Variants in ATG4A observed in about 807,000 individuals in gnomAD.
The protein encoded by ATG4A is autophagy related 4A cysteine peptidase.
ATG4A carries 22 observed loss-of-function variants against 38.4 expected under a neutral mutation model. The ratio of observed to expected loss-of-function variants is 0.57; its 90% CI spans 0.41 to 0.82. ATG4A has a LOEUF of 0.82. Among genes scored for constraint, ATG4A ranks in the 40% least tolerant of loss-of-function variants. The pLI, the probability that ATG4A is intolerant of heterozygous loss-of-function variation, is 0.00. For missense variants in ATG4A, 220 were observed against 290.0 expected, an observed-to-expected ratio of 0.76 and a Z score of 1.75; for synonymous variants, 86 against 100.7, an observed-to-expected ratio of 0.85 and a Z score of 0.88.
chrX:108,138,662 T>C (rs1184670227), intron 9 of ATG4A, among the ~76,000 whole-genome samples: 1 of 111,766 alleles, frequency 8.9e-6, no homozygotes, highest in Non-Finnish European at 1.9e-5. Flanking sequence ...CACTAACCTC[T>C]TAATGTGGAC....
At chrX:108,126,932 G>A (rs1387523879) in intron 2 of ATG4A, 3 of 335,481 alleles carry the variant, frequency 8.9e-6, no homozygotes, top group Non-Finnish European at 1.6e-5. Flanking sequence ...TTAGCGTGGA[G>A]GAAGGAACAG....
intron 9 of ATG4A, among the ~76,000 whole-genome samples, chrX:108,143,523 A>G (rs188899015): frequency 4.5e-5 from 5 of 111,827 alleles, no homozygotes; most frequent in African/African-American, 1.6e-4. Context: ...ATTGTGGGGT[A>G]GTAGACTGAT....
At chrX:108,139,943 A>C (rs28407955) in intron 9 of ATG4A, among the ~76,000 whole-genome samples, 53,727 of 109,547 alleles carry the variant, frequency 0.49, 10,344 homozygotes, top group African/African-American at 0.66. Flanking sequence ...GGGCACTAAT[A>C]CATTCATAGG....
chrX:108,140,154 C>T (rs1325522097), intron 9 of ATG4A, among the ~76,000 whole-genome samples: 1 of 111,388 alleles, frequency 9.0e-6, no homozygotes, highest in African/African-American at 3.3e-5. Context: ...CCTGGGTGCC[C>T]TGGCCTCCCT....
intron 1 of ATG4A, among the ~76,000 whole-genome samples, chrX:108,101,863 A>T (rs2032024994): frequency 9.1e-6 from 1 of 109,860 alleles, no homozygotes; most frequent in Non-Finnish European, 1.9e-5. Flanking sequence ...ATTTCATTTA[A>T]CATAATGTCT....
intron 1 of ATG4A, among the ~76,000 whole-genome samples, chrX:108,104,414 G>A (rs1490698498): frequency 1.8e-5 from 2 of 109,692 alleles, no homozygotes; most frequent in South Asian, 3.9e-4. Context: ...TTTGCTAGAT[G>A]TAATATTCCT....
Position 108,134,064 on chromosome X carries a change from C to CA in ATG4A, c.300_301insA (p.Trp101MetfsTer21). 8.4e-7 allele frequency: 1 copy of CA among 1,197,342 alleles called. No individual in the cohort carries two copies. The highest frequency in any genetic ancestry group is 1.1e-6 in the Non-Finnish European group (1 of 890,035). On this transcript the variant is annotated frameshift_variant, in exon 5 of 13. Coordinates refer to ENST00000372232, the MANE Select transcript of ATG4A (RefSeq NM_052936.5). LOFTEE classifies it high-confidence loss of function. ...TTTTTTTTTCTTAAAAAGACTGGAG[C>CA]TGGGAGAAACAAAAAGAACAACCCA...
chrX:108,151,832 G>T lies in ATG4A; in HGVS notation c.991G>T (p.Asp331Tyr). ...TTTCTGCAAAGAAGAAAAAGACTTT[G>T]ATAACTGGTGTAGCCTTGTTCAGAA... Reference protein sequence around the residue: ...GFFCKEEKDFDNWCSLVQKEI... With the variant: ...GFFCKEEKDFYNWCSLVQKEI... Residue 331 changes from aspartate (D) to tyrosine (Y), a missense_variant, in exon 11 of 13, where the codon GAT becomes TAT. This residue lies in a region of ATG4A where 159 missense variants were observed against 188.9 expected (regional missense o/e 0.84). Coordinates refer to ENST00000372232, the MANE Select transcript of ATG4A (RefSeq NM_052936.5). 8.3e-7 allele frequency: 1 copy of T among 1,208,800 alleles called. No homozygotes were observed. Among genetic ancestry groups the T allele is most frequent in the Non-Finnish European group, 1.1e-6 (1 of 893,339 alleles).
At chrX:108,095,210 A>G (rs2031769237) in intron 1 of ATG4A, among the ~76,000 whole-genome samples, 1 of 111,161 alleles carries the variant, frequency 9.0e-6, no homozygotes, top group African/African-American at 3.3e-5. Flanking sequence ...TACAGGCATG[A>G]GCCACTGTGC....
intron 9 of ATG4A, among the ~76,000 whole-genome samples, chrX:108,145,458 T>G (rs2148024490): frequency 8.9e-6 from 1 of 112,663 alleles, no homozygotes. Context: ...GGAGATGTGT[T>G]AATTTGCTCG....
chrX:108,092,233 C>T (rs981142366), intron 1 of ATG4A, among the ~76,000 whole-genome samples: 2 of 111,627 alleles, frequency 1.8e-5, no homozygotes, highest in Non-Finnish European at 1.9e-5. Context: ...GCCGTGGGAG[C>T]CACCTGATAT....
intron 1 of ATG4A, among the ~76,000 whole-genome samples, chrX:108,103,260 A>G (rs1015629929): frequency 3.6e-5 from 4 of 111,420 alleles, no homozygotes; most frequent in Admixed American, 9.5e-5. Context: ...GGTTGATTCC[A>G]TGTCTTTGCT....
At chrX:108,099,025 G>GA (rs1427274333) in intron 1 of ATG4A, among the ~76,000 whole-genome samples, 1 of 111,591 alleles carries the variant, frequency 9.0e-6, no homozygotes, top group Non-Finnish European at 1.9e-5. Flanking sequence ...TACAAGGTGG[G>GA]ACGGTAAATA....
chrX:108,092,011 G>T (rs1404520383), intron 1 of ATG4A, 175 bp downstream of exon 1: 4 of 827,055 alleles, frequency 4.8e-6, no homozygotes, highest in Non-Finnish European at 5.1e-6. Context: ...AGGGACAAGG[G>T]TTGGAGCTGA....
chrX:108,100,423 G>A (rs2031970825), intron 1 of ATG4A, among the ~76,000 whole-genome samples: 1 of 110,705 alleles, frequency 9.0e-6, no homozygotes, highest in African/African-American at 3.3e-5. Context: ...CTTGTCATCT[G>A]CAGAGAGGGA....
intron 10 of ATG4A, among the ~76,000 whole-genome samples, chrX:108,151,171 G>A (rs1282745464): frequency 8.9e-6 from 1 of 111,764 alleles, no homozygotes; most frequent in Non-Finnish European, 1.9e-5. Context: ...CAGAAGTATG[G>A]CTGGTGTCTA....
intron 1 of ATG4A, among the ~76,000 whole-genome samples, chrX:108,124,695 T>C (rs2032753324): frequency 8.9e-6 from 1 of 111,851 alleles, no homozygotes; most frequent in Non-Finnish European, 1.9e-5. Flanking sequence ...TTTCTAAAAG[T>C]ACTTGTACAA....
chrX:108,152,734 A>G (rs1021145604), intron 11 of ATG4A, among the ~76,000 whole-genome samples: 1 of 111,694 alleles, frequency 9.0e-6, no homozygotes, highest in African/African-American at 3.3e-5. Flanking sequence ...ATGATGGAGA[A>G]TAGGCAGTGA....
intron 1 of ATG4A, among the ~76,000 whole-genome samples, chrX:108,122,305 C>T (rs759358198): frequency 1.8e-5 from 2 of 112,004 alleles, no homozygotes; most frequent in African/African-American, 3.2e-5. Context: ...GCAAAAATGG[C>T]AGAGTAAGTA....
Sources: allele counts gnomAD v4.1 joint callset (sites outside exome capture counted in the v4.1 genomes callset), GRCh38; gene constraint gnomAD v4.1.1; regional missense constraint gnomAD v4.1.1; transcripts MANE v1.5; gene names NCBI Gene and HGNC (gene_info 2026-07-23, HGNC 2026-07-21).